The following PTPRG variants were observed in gnomAD, a reference collection of about 807,000 sequenced individuals.
The protein encoded by PTPRG is protein tyrosine phosphatase receptor type G, also known as receptor-type tyrosine-protein phosphatase gamma.
A neutral mutation model predicts 165.3 loss-of-function variants in PTPRG; 102 were observed. That is an observed-to-expected ratio of 0.62 (90% CI 0.53 to 0.73). The LOEUF is 0.73. Among genes scored for constraint, PTPRG ranks in the 30% least tolerant of loss-of-function variants. The pLI is 0.00. For missense variants in PTPRG, 1,866 were observed against 1,861.4 expected (o/e 1.00, Z -0.05); for synonymous variants, 675 against 669.5 (o/e 1.01, Z -0.13).
At chr3:62,292,667 T>C in intron 29 of PTPRG, 111 bp downstream of exon 29, 1 of 1,284,138 alleles carries the variant, frequency 7.8e-7, no homozygotes, top group Admixed American at 2.2e-5. Context: ...AGGGGACATT[T>C]GGCCATGTCT....
chr3:62,064,570 A>G (rs1043398541), intron 4 of PTPRG, among the ~76,000 whole-genome samples: 6 of 152,020 alleles, frequency 3.9e-5, no homozygotes, highest in South Asian at 4.1e-4. Flanking sequence ...GATGCCATCG[A>G]TGGTGGGGCA....
chr3:61,847,454 T>C lies in PTPRG; in HGVS notation c.190+98472T>C, dbSNP rs1040170279. On this transcript the variant is annotated intron_variant, in intron 2 of 29. Transcript: ENST00000474889. ...CAGAGCTGTGAGACAACAACTGTTG[T>C]TTTAGGCACCCAGTTTGTGGTGTGT... is the stretch of plus-strand genomic sequence containing the variant. Among the ~76,000 whole-genome samples, 10 of 152,234 alleles carry C rather than the reference T, an allele frequency of 6.6e-5. 1 individual carries two copies. The South Asian group carries it at 2.1e-3, about 32-fold the overall frequency.
chr3:61,821,093 AC>A (rs1308745243), intron 2 of PTPRG, among the ~76,000 whole-genome samples: 1 of 151,938 alleles, frequency 6.6e-6, no homozygotes, highest in Non-Finnish European at 1.5e-5. Context: ...TATGAGTTTA[AC>A]TTTTTCAATA....
At chr3:61,568,473 TGGAG>T (rs1699977338) in intron 1 of PTPRG, among the ~76,000 whole-genome samples, 2 of 152,202 alleles carry the variant, frequency 1.3e-5, no homozygotes. Context: ...CAACTATAAT[TGGAG>T]GGACCATTTC....
At chr3:61,588,532 A>G (rs777707281) in intron 1 of PTPRG, among the ~76,000 whole-genome samples, 2 of 150,274 alleles carry the variant, frequency 1.3e-5, no homozygotes, top group African/African-American at 2.5e-5. Context: ...TGCAACCTCC[A>G]CCTCCTGAGT....
intron 1 of PTPRG, among the ~76,000 whole-genome samples, chr3:61,613,586 A>G (rs1170176979): frequency 6.6e-6 from 1 of 152,236 alleles, no homozygotes; most frequent in Non-Finnish European, 1.5e-5. Flanking sequence ...GATTCAGGGA[A>G]AACAAATTAA....
At chr3:62,119,572 C>G (rs954303157) in intron 5 of PTPRG, among the ~76,000 whole-genome samples, 4 of 151,488 alleles carry the variant, frequency 2.6e-5, no homozygotes, top group Non-Finnish European at 4.4e-5. Flanking sequence ...TCTGGGAGAG[C>G]TTTTACGCTG....
In PTPRG at chr3:62,219,100, T is replaced by A; in HGVS notation, c.2288+117T>A. On this transcript the variant is annotated intron_variant, in intron 13 of 29. Transcript: ENST00000474889. This position sits in a 1 kb window ranked among gnomAD's most constrained non-coding sequence, Gnocchi z 4.5. ...AGGAAGGTGAGGTAGCTTAAGTGTT[T>A]CTGGTCTTGCCACCCGGAAGGCCAT... The A allele has an allele frequency of 7.2e-7, 1 of 1,393,626 alleles. No individual in the cohort carries two copies. Among genetic ancestry groups the A allele is most frequent in the Non-Finnish European group, 9.7e-7 (1 of 1,029,104 alleles). 86.3% of individuals were successfully genotyped at this position (1,393,626 alleles called of 1,614,324 possible).
At chr3:61,649,274 C>T (rs1702285463) in intron 1 of PTPRG, among the ~76,000 whole-genome samples, 1 of 152,140 alleles carries the variant, frequency 6.6e-6, no homozygotes, top group African/African-American at 2.4e-5. Flanking sequence ...CCCACCTCAG[C>T]CTGCTAAAGT....
At chr3:61,708,163 G>A (rs1459622887) in intron 1 of PTPRG, among the ~76,000 whole-genome samples, 1 of 151,722 alleles carries the variant, frequency 6.6e-6, no homozygotes, top group Non-Finnish European at 1.5e-5. Flanking sequence ...TACTAACAAA[G>A]TATGAAAGGA....
intron 2 of PTPRG, among the ~76,000 whole-genome samples, chr3:61,830,965 CT>C (rs1054142663): frequency 2.6e-5 from 4 of 152,144 alleles, no homozygotes; most frequent in African/African-American, 9.7e-5. Flanking sequence ...GGCTTCCTTT[CT>C]TTTTTCAAAG....
intron 2 of PTPRG, among the ~76,000 whole-genome samples, chr3:61,758,139 G>A (rs940189867): frequency 1.4e-5 from 2 of 147,968 alleles, no homozygotes; most frequent in South Asian, 2.2e-4. Context: ...GACTATAGGC[G>A]CACACCACCA....
At position 62,148,748 on chromosome 3, in the gene PTPRG, C is replaced by T. The variant is rs1200590581; in HGVS notation, c.683-8319C>T. On this transcript the variant is annotated intron_variant, in intron 6 of 29. Transcript: ENST00000474889. ...CTGCACTGCAGCCTGGGGGACAGAGCGAGACTCCGTCTCCACAAAATAAAT... is the reference window on the plus strand; with the variant it reads ...CTGCACTGCAGCCTGGGGGACAGAGTGAGACTCCGTCTCCACAAAATAAAT... 5.3e-5 allele frequency among the ~76,000 whole-genome samples: 8 copies of T among 151,908 alleles called. No individual in the cohort carries two copies. In the South Asian group the frequency reaches 6.3e-4, roughly 12 times the overall value.
At chr3:61,628,890 A>G (rs903246961) in intron 1 of PTPRG, among the ~76,000 whole-genome samples, 2 of 152,220 alleles carry the variant, frequency 1.3e-5, no homozygotes, top group African/African-American at 4.8e-5. Context: ...CTCTCGACTC[A>G]TAAGCATCTT....
intron 4 of PTPRG, among the ~76,000 whole-genome samples, chr3:62,062,248 G>A (rs940304327): frequency 2.0e-5 from 3 of 152,148 alleles, no homozygotes; most frequent in African/African-American, 4.8e-5. Context: ...GCTGTGAGCC[G>A]AGATTGTGCC....
intron 6 of PTPRG, among the ~76,000 whole-genome samples, chr3:62,149,964 C>G (rs532671400): frequency 6.6e-6 from 1 of 152,332 alleles, no homozygotes; most frequent in Non-Finnish European, 1.5e-5. Context: ...CAGGCAGAGT[C>G]CCTCTGCACT....
intron 1 of PTPRG, among the ~76,000 whole-genome samples, chr3:61,671,138 CTTTTT>C (rs11356444): frequency 1.6e-5 from 2 of 125,012 alleles, no homozygotes; most frequent in Admixed American, 8.0e-5. Flanking sequence ...TATGAACTTT[CTTTTT>C]TTTTTTTTTT....
At chr3:61,675,381 A>T (rs561574267) in intron 1 of PTPRG, among the ~76,000 whole-genome samples, 1 of 152,184 alleles carries the variant, frequency 6.6e-6, no homozygotes, top group African/African-American at 2.4e-5. Context: ...TTCATTTATG[A>T]TACTAAATTA....
chr3:61,732,696 G>A (rs924219493), intron 1 of PTPRG, among the ~76,000 whole-genome samples: 14 of 150,470 alleles, frequency 9.3e-5, no homozygotes, highest in African/African-American at 2.9e-4. Flanking sequence ...GTGACAGAGC[G>A]AGACTCCGTC....
Sources: allele counts gnomAD v4.1 joint callset (sites outside exome capture counted in the v4.1 genomes callset), GRCh38; gene constraint gnomAD v4.1.1; non-coding constraint Gnocchi (gnomAD v3.1); transcripts MANE v1.5; gene names NCBI Gene and HGNC (gene_info 2026-07-23, HGNC 2026-07-21).